Variants in GRID2 observed in about 807,000 individuals in gnomAD.
GRID2 encodes glutamate receptor ionotropic, delta-2.
In GRID2, 33 loss-of-function variants were observed where a neutral mutation model predicts 114.8. The ratio of observed to expected loss-of-function variants is 0.29; its 90% confidence interval spans 0.22 to 0.38. GRID2 has a LOEUF of 0.38. Ranked by LOEUF, GRID2 falls within the 10% of genes least tolerant of loss-of-function variation. GRID2 has a pLI of 1.00. For missense variants in GRID2, 1,184 were observed against 1,257.7 expected (o/e 0.94, Z 0.89); for synonymous variants, 505 against 449.9 (o/e 1.12, Z -1.55).
At chr4:93,416,504 T>G (rs1160508869) in intron 9 of GRID2, among the ~76,000 whole-genome samples, 1 of 152,090 alleles carries the variant, frequency 6.6e-6, no homozygotes, top group African/African-American at 2.4e-5. Flanking sequence ...TTCCAGTGAC[T>G]CATTCTTAGT....
chr4:92,499,191 C>G (rs1457725391), intron 1 of GRID2, among the ~76,000 whole-genome samples: 1 of 151,668 alleles, frequency 6.6e-6, no homozygotes. Context: ...CATTTCAGAG[C>G]TTTATATTTA....
chr4:92,921,049 T>G (rs1749281273), intron 2 of GRID2, among the ~76,000 whole-genome samples: 2 of 152,182 alleles, frequency 1.3e-5, no homozygotes, highest in Admixed American at 6.5e-5. Context: ...GTTCATTTCT[T>G]TTTATTCTTT....
At chr4:92,588,085 T>G (rs922901015) in intron 1 of GRID2, among the ~76,000 whole-genome samples, 1 of 152,132 alleles carries the variant, frequency 6.6e-6, no homozygotes, top group African/African-American at 2.4e-5. Context: ...TTAAAGAAAT[T>G]TGTATATCTA....
intron 8 of GRID2, among the ~76,000 whole-genome samples, chr4:93,288,490 C>CA (rs1753410752): frequency 6.6e-6 from 1 of 152,146 alleles, no homozygotes; most frequent in Non-Finnish European, 1.5e-5. Context: ...GTGTATCCAT[C>CA]ACTGCCCTTA....
intron 1 of GRID2, among the ~76,000 whole-genome samples, chr4:92,395,201 A>G (rs553113772): frequency 6.6e-6 from 1 of 151,762 alleles, no homozygotes; most frequent in South Asian, 2.1e-4. Flanking sequence ...AATAATGGGG[A>G]TATTTTTACA....
At chr4:92,678,627 A>G (rs889265836) in intron 2 of GRID2, among the ~76,000 whole-genome samples, 8 of 151,556 alleles carry the variant, frequency 5.3e-5, no homozygotes, top group Admixed American at 3.3e-4. Flanking sequence ...ACTTTTTTTA[A>G]AATAAATTGA....
intron 1 of GRID2, among the ~76,000 whole-genome samples, chr4:92,507,048 C>G (rs1031448079): frequency 2.0e-5 from 3 of 151,858 alleles, no homozygotes; most frequent in Non-Finnish European, 4.4e-5. Context: ...CACTGCAAAT[C>G]TCTTTGAAAA....
At chr4:92,421,413 C>T (rs536366233) in intron 1 of GRID2, among the ~76,000 whole-genome samples, 1 of 152,166 alleles carries the variant, frequency 6.6e-6, no homozygotes, top group East Asian at 1.9e-4. Context: ...AAAAGATCAC[C>T]AGTCAGTCTT....
At position 92,826,509 on chromosome 4, in the gene GRID2, T is replaced by C. The variant is rs138223143; in HGVS notation, c.244+236223T>C. Among the ~76,000 whole-genome samples the C allele has an allele frequency of 9.4e-4, 143 of 152,164 alleles. 3 individuals are homozygous for C. Among genetic ancestry groups the C allele is most frequent in the African/African-American group, 3.3e-3 (138 of 41,556 alleles). On this transcript the variant is annotated intron_variant, in intron 2 of 15. Transcript: ENST00000282020. ...TTGTGGTCTGTTATTCCCACTGGAG[T>C]GTAAGTTCCAAAAAGAAGTGATTTT...
At chr4:93,046,789 A>G (rs1578841880) in intron 2 of GRID2, among the ~76,000 whole-genome samples, 1 of 152,000 alleles carries the variant, frequency 6.6e-6, no homozygotes, top group South Asian at 2.1e-4. Flanking sequence ...TATGTCTTGT[A>G]TGGAAGCTAT....
intron 2 of GRID2, among the ~76,000 whole-genome samples, chr4:93,082,366 G>A (rs1729946980): frequency 6.6e-6 from 1 of 152,184 alleles, no homozygotes; most frequent in African/African-American, 2.4e-5. Context: ...AAGGATGATT[G>A]GTTAGAGAGC....
chr4:93,707,335 G>A (rs540931269), intron 14 of GRID2, among the ~76,000 whole-genome samples: 8 of 152,132 alleles, frequency 5.3e-5, no homozygotes, highest in African/African-American at 1.9e-4. Flanking sequence ...CAGGTTCTAG[G>A]CTTTTCTTTG....
chr4:93,125,765 A>C (rs1734209471), intron 4 of GRID2, among the ~76,000 whole-genome samples: 1 of 152,182 alleles, frequency 6.6e-6, no homozygotes, highest in Non-Finnish European at 1.5e-5. Flanking sequence ...ATCCTTATTA[A>C]AAAGGAAAAG....
At chr4:93,307,693 T>G (rs1184243368) in intron 8 of GRID2, among the ~76,000 whole-genome samples, 1 of 152,176 alleles carries the variant, frequency 6.6e-6, no homozygotes, top group African/African-American at 2.4e-5. Flanking sequence ...TAACTTAAAT[T>G]TAATGATAAT....
intron 11 of GRID2, among the ~76,000 whole-genome samples, chr4:93,488,134 A>T (rs1726596175): frequency 6.6e-6 from 1 of 151,966 alleles, no homozygotes. Flanking sequence ...TAATTTTGTT[A>T]TACATATTAA....
intron 1 of GRID2, among the ~76,000 whole-genome samples, chr4:92,574,887 G>C (rs2149196549): frequency 6.6e-6 from 1 of 152,250 alleles, no homozygotes; most frequent in East Asian, 1.9e-4. Context: ...GGTTGGGGAA[G>C]TTCTCCTGAT....
chr4:93,633,833 T>G (rs1164506685), intron 14 of GRID2, among the ~76,000 whole-genome samples: 1 of 152,124 alleles, frequency 6.6e-6, no homozygotes, highest in African/African-American at 2.4e-5. Flanking sequence ...GACAGCATAA[T>G]CCTAATCCTT....
chr4:92,772,916 C>T (rs1317865440), intron 2 of GRID2, among the ~76,000 whole-genome samples: 1 of 152,184 alleles, frequency 6.6e-6, no homozygotes, highest in East Asian at 1.9e-4. Flanking sequence ...GCATCTACTT[C>T]AGCTTCCAAT....
chr4:93,005,636 A>T (rs1011334383), intron 2 of GRID2, among the ~76,000 whole-genome samples: 1 of 152,084 alleles, frequency 6.6e-6, no homozygotes, highest in South Asian at 2.1e-4. Flanking sequence ...ATGACCAATA[A>T]ATAAAAAGAA....
Sources: gnomAD v4.1 joint callset for allele counts (sites outside exome capture counted in the v4.1 genomes callset) on GRCh38, gnomAD v4.1.1 for gene constraint, MANE v1.5 for transcripts, NCBI Gene and HGNC (gene_info 2026-07-23, HGNC 2026-07-21) for gene names.